Variants in ALPK2 observed in about 807,000 individuals in gnomAD.
ALPK2 encodes the protein alpha-protein kinase 2.
ALPK2 carries 127 observed loss-of-function variants against 163.1 expected under a neutral mutation model. That is an observed-to-expected ratio of 0.78 (90% CI 0.67 to 0.90). The LOEUF (loss-of-function observed/expected upper bound fraction) is 0.90, where lower values mean the gene tolerates loss of function less well. Ranked by LOEUF, ALPK2 falls within the 40% of genes least tolerant of loss-of-function variation. ALPK2 has a pLI of 0.00. For synonymous variants in ALPK2, 953 were observed against 959.1 expected (o/e 0.99, Z 0.12); for missense variants, 2,360 against 2,589.6 (o/e 0.91, Z 1.92).
intron 8 of ALPK2, among the ~76,000 whole-genome samples, chr18:58,520,260 T>G (rs2051542711): frequency 6.6e-6 from 1 of 151,814 alleles, no homozygotes; most frequent in South Asian, 2.1e-4. Context: ...AAACCCCATC[T>G]CTACTAAAAA....
intron 1 of ALPK2, among the ~76,000 whole-genome samples, chr18:58,625,200 GCC>G (rs1371951963): frequency 7.1e-6 from 1 of 141,060 alleles, no homozygotes; most frequent in African/African-American, 2.7e-5. Flanking sequence ...AAAAAAAAAA[GCC>G]CCCTAAAAAC....
chr18:58,587,099 T>C (rs1170523283), intron 3 of ALPK2, among the ~76,000 whole-genome samples: 1 of 152,186 alleles, frequency 6.6e-6, no homozygotes, highest in African/African-American at 2.4e-5. Context: ...TGTGAAAGCA[T>C]GCTTCATACC....
intron 2 of ALPK2, among the ~76,000 whole-genome samples, chr18:58,608,167 G>T (rs2052108314): frequency 6.6e-6 from 1 of 152,202 alleles, no homozygotes; most frequent in African/African-American, 2.4e-5. Context: ...AGTGCTCAAA[G>T]TTAGTGCGTT....
At chr18:58,519,577 G>T (rs1042971097) in intron 8 of ALPK2, among the ~76,000 whole-genome samples, 1 of 152,122 alleles carries the variant, frequency 6.6e-6, no homozygotes, top group African/African-American at 2.4e-5. Context: ...TGTTTGTATA[G>T]TACCATACGT....
intron 4 of ALPK2, among the ~76,000 whole-genome samples, chr18:58,577,214 A>G (rs370443239): frequency 1.3e-5 from 2 of 152,246 alleles, no homozygotes; most frequent in Admixed American, 6.5e-5. Context: ...TGAGGATGAC[A>G]GAGGGGGCTC....
intron 4 of ALPK2, among the ~76,000 whole-genome samples, chr18:58,552,560 G>A (rs1278867289): frequency 1.3e-5 from 2 of 152,212 alleles, no homozygotes; most frequent in Non-Finnish European, 2.9e-5. Flanking sequence ...TGCTGCTGAT[G>A]CATGTACATT....
intron 4 of ALPK2, among the ~76,000 whole-genome samples, chr18:58,542,519 C>A (rs533215837): frequency 6.6e-6 from 1 of 152,248 alleles, no homozygotes; most frequent in South Asian, 2.1e-4. Context: ...ATCATAGAAA[C>A]CACACAGTAG....
At chr18:58,524,169 T>G (rs1031045844) in intron 6 of ALPK2, 107 bp from the exon 7 acceptor site, 1 of 1,447,432 alleles carries the variant, frequency 6.9e-7, no homozygotes, top group African/African-American at 1.4e-5. Flanking sequence ...TCACATGTTT[T>G]CAGCCAGTGA....
At chr18:58,504,179 A>G (rs1284695264) in intron 10 of ALPK2, 31 bp from the exon 11 acceptor site, 1 of 1,581,420 alleles carries the variant, frequency 6.3e-7, no homozygotes, top group Non-Finnish European at 8.7e-7. Flanking sequence ...GGCGCACATC[A>G]AGGTCTCTAC....
intron 3 of ALPK2, among the ~76,000 whole-genome samples, chr18:58,593,888 T>G (rs1244690319): frequency 1.0e-5 from 1 of 99,220 alleles, no homozygotes; most frequent in East Asian, 2.6e-4. Context: ...CAAAAATAAA[T>G]AAATAAAAAT....
chr18:58,500,779 TAA>T lies in ALPK2; in HGVS notation c.6248-2684_6248-2683del, dbSNP rs5825289. Among the ~76,000 whole-genome samples, 853 of 144,852 alleles carry T rather than the reference TAA, an allele frequency of 5.9e-3. 3 individuals carry two copies. The highest frequency in any genetic ancestry group is 0.013 in the African/African-American group (514 of 39,456). On this transcript the variant is annotated intron_variant, in intron 11 of 12. Transcript: ENST00000361673. ...TCTCTACTAAAAAATACAAAAAAAT[TAA>T]AAAAAAAAAAAAAGCTCATTCTCCA...
rs2052133475 is a variant in ALPK2 at position 58,611,812 on chromosome 18, C to A, written c.-15G>T. The A allele has an allele frequency of 1.6e-5, 24 of 1,501,100 alleles. No homozygotes were observed. Among genetic ancestry groups the A allele is most frequent in the Non-Finnish European group, 2.2e-5 (24 of 1,106,878 alleles). The allele number at this position is 1,501,100 out of a possible 1,614,324, so 93.0% of individuals were successfully genotyped here. A position where few individuals can be genotyped will look rare whatever the true frequency, so the allele number is the denominator to read the frequency against. ...GAGTCTTTCATCCTTTCATGCCGCACCAAATCTGAAAAAAAAAAAAATCCC... is the reference window on the plus strand; with the variant it reads ...GAGTCTTTCATCCTTTCATGCCGCAACAAATCTGAAAAAAAAAAAAATCCC... On this transcript the variant is annotated 5_prime_UTR_variant, in exon 2 of 13. Coordinates refer to ENST00000361673, the MANE Select transcript of ALPK2 (RefSeq NM_052947.4).
intron 12 of ALPK2, among the ~76,000 whole-genome samples, chr18:58,482,369 G>T (rs1242247806): frequency 2.0e-5 from 3 of 152,092 alleles, no homozygotes; most frequent in African/African-American, 7.2e-5. Flanking sequence ...GGGCTATTTT[G>T]ATAAAACACA....
At chr18:58,516,486 T>C (rs1323116087) in intron 9 of ALPK2, among the ~76,000 whole-genome samples, 1 of 151,664 alleles carries the variant, frequency 6.6e-6, no homozygotes, top group Non-Finnish European at 1.5e-5. Flanking sequence ...CCCCTCTCCC[T>C]CTCCACAAAA....
In ALPK2 at chr18:58,481,728, C is replaced by A; in HGVS notation, c.*95G>T. 1 of 1,019,996 alleles carries A rather than the reference C, an allele frequency of 9.8e-7. No homozygotes were observed. Among genetic ancestry groups the A allele is most frequent in the Admixed American group, 2.0e-5 (1 of 50,656 alleles). The allele number at this position is 1,019,996 out of a possible 1,614,324, so 63.2% of individuals were successfully genotyped here. On this transcript the variant is annotated 3_prime_UTR_variant, in exon 13 of 13. Transcript: ENST00000361673. ...CTGGGAGTAAGGATTGCCACGCACT[C>A]TCTGCAGGCTGTATATTCTCTCCTG...
chr18:58,599,304 C>T (rs766847175), intron 3 of ALPK2, among the ~76,000 whole-genome samples: 2 of 152,164 alleles, frequency 1.3e-5, no homozygotes, highest in Non-Finnish European at 2.9e-5. Context: ...AGCAGGGCTC[C>T]AGGCATGGTC....
chr18:58,536,764 G>A lies in ALPK2; in HGVS notation c.3423C>T (p.Ser1141=). ...CAGAAAGAGAACCCTGCTGGGACAG[G>A]CTCTGCTGCTGGACCCCCTGCTTTG... ...SETKQGVQQQ[S]LSQQGSLSAP... is the part of the protein sequence containing the mutation. Residue 1141 remains serine, a synonymous_variant, in exon 5 of 13, where the codon AGC becomes AGT. Transcript: ENST00000361673. 9 of 1,614,178 alleles carry A rather than the reference G, an allele frequency of 5.6e-6. No individual in the cohort carries two copies. Among genetic ancestry groups the A allele is most frequent in the Non-Finnish European group, 7.6e-6 (9 of 1,180,028 alleles).
chr18:58,490,335 GC>G lies in ALPK2; in HGVS notation c.6296+7713del, dbSNP rs1216053720. On this transcript the variant is annotated intron_variant, in intron 12 of 12. Coordinates refer to ENST00000361673, the MANE Select transcript of ALPK2 (RefSeq NM_052947.4). Reference sequence around the variant, plus strand: ...ACTTATCTGAACAAATGCCATCTGAGCCACCACTGCCCCTCCCTGGGCCAGT... The same window carrying G: ...ACTTATCTGAACAAATGCCATCTGAGCACCACTGCCCCTCCCTGGGCCAGT... Among the ~76,000 whole-genome samples, 13 of 152,270 alleles carry G rather than the reference GC, an allele frequency of 8.5e-5. 1 individual carries two copies. In the South Asian group the frequency reaches 2.5e-3, roughly 29 times the overall value.
chr18:58,530,358 TGAGA>T (rs1328572430), intron 5 of ALPK2, among the ~76,000 whole-genome samples: 2 of 151,984 alleles, frequency 1.3e-5, no homozygotes, highest in Non-Finnish European at 2.9e-5. Flanking sequence ...AGTGGATAAT[TGAGA>T]GAGAGAGAAA....
Sources: allele counts gnomAD v4.1 joint callset (sites outside exome capture counted in the v4.1 genomes callset), GRCh38; gene constraint gnomAD v4.1.1; transcripts MANE v1.5; gene names NCBI Gene and HGNC (gene_info 2026-07-23, HGNC 2026-07-21).